Variants in LAMA4 observed in about 807,000 individuals in gnomAD.
The protein encoded by LAMA4 is laminin subunit alpha 4, also known as laminin subunit alpha-4.
LAMA4 carries 127 observed loss-of-function variants against 207.1 expected under a neutral mutation model. The ratio of observed to expected loss-of-function variants is 0.61; its 90% CI spans 0.53 to 0.71. The LOEUF (loss-of-function observed/expected upper bound fraction) is 0.71. Among genes scored for constraint, LAMA4 ranks in the 30% least tolerant of loss-of-function variants. The pLI, the probability that LAMA4 is intolerant of heterozygous loss-of-function variation, is 0.00. For synonymous variants in LAMA4, 761 were observed against 816.0 expected (o/e 0.93, Z 1.15); for missense variants, 2,093 against 2,246.5 (o/e 0.93, Z 1.38).
At chr6:112,159,030 A>G in intron 13 of LAMA4, 150 bp from the exon 14 acceptor site, 1 of 633,996 alleles carries the variant, frequency 1.6e-6, no homozygotes, top group African/African-American at 1.8e-5. Context: ...CTGTAAGTAT[A>G]TGTCTATTTA....
chr6:112,223,687 G>T (rs1224804413), intron 2 of LAMA4, among the ~76,000 whole-genome samples: 1 of 152,136 alleles, frequency 6.6e-6, no homozygotes, highest in Admixed American at 6.5e-5. Context: ...GAGGTCCTGT[G>T]GGTATTTCAG....
At position 112,221,802 on chromosome 6, in the gene LAMA4, G is replaced by A. The variant is rs75630665; in HGVS notation, c.196-5333C>T. Among the ~76,000 whole-genome samples the A allele has an allele frequency of 3.5e-3, 536 of 152,276 alleles. 3 individuals are homozygous for A. The highest frequency in any genetic ancestry group is 0.012 in the African/African-American group (515 of 41,558). On this transcript the variant is annotated intron_variant, in intron 2 of 38. Coordinates refer to ENST00000230538, the MANE Select transcript of LAMA4 (RefSeq NM_001105206.3). ...CTTGGGCAGACTTAAGAATCAGATA[G>A]TATTCAAGGATTTTCTAGTGGAGAA... is the stretch of plus-strand genomic sequence containing the variant.
chr6:112,189,282 G>T, intron 6 of LAMA4, 77 bp from the exon 7 acceptor site: 1 of 944,792 alleles, frequency 1.1e-6, no homozygotes, highest in Non-Finnish European at 1.7e-6. Context: ...CTGGTTTCTA[G>T]AAACACTAGC....
intron 31 of LAMA4, among the ~76,000 whole-genome samples, chr6:112,127,595 G>A (rs1476054610): frequency 1.3e-5 from 2 of 152,112 alleles, no homozygotes; most frequent in Non-Finnish European, 2.9e-5. Flanking sequence ...ACAAATTGTG[G>A]TGCCTTGGGC....
chr6:112,172,828 C>T lies in LAMA4; in HGVS notation c.1358-24G>A, dbSNP rs375357211. The stretch of plus-strand genomic sequence containing the variant: ...TACTGGGAAGAAATGGAGATAAAGG[C>T]TCAGTGTGGCTTTCTCCTGTTCGCT... On this transcript the variant is annotated intron_variant, in intron 11 of 38. Coordinates refer to ENST00000230538, the MANE Select transcript of LAMA4 (RefSeq NM_001105206.3). The T allele has an allele frequency of 2.5e-6, 4 of 1,601,940 alleles. No homozygotes were observed. The South Asian group carries it at 3.3e-5, about 13-fold the overall frequency.
chr6:112,191,834 A>G lies in LAMA4; in HGVS notation c.520T>C (p.Tyr174His). ...PNCERCAPGY[Y>H]GNPLLIGSTC... Reference sequence around the variant, plus strand: ...CTTCCAATGAGTAAGGGGTTTCCATAGTAACCGGGAGCACATCTGAAGAGG... The same window carrying G: ...CTTCCAATGAGTAAGGGGTTTCCATGGTAACCGGGAGCACATCTGAAGAGG... The change falls in exon 6 of 39, where the codon TAT becomes CAT. Residue 174 changes from tyrosine to histidine, a missense_variant. Tyr to His is a moderately conservative substitution (Grantham distance 83, BLOSUM62 2). Transcript: ENST00000230538. 1 of 1,613,252 alleles carries G rather than the reference A, an allele frequency of 6.2e-7. No homozygotes were observed. Among genetic ancestry groups the G allele is most frequent in the Non-Finnish European group, 8.5e-7 (1 of 1,179,298 alleles).
In LAMA4 at chr6:112,140,904, C is replaced by A. The variant is rs140978616; in HGVS notation, c.2832G>T (p.Lys944Asn). 7 of 1,613,080 alleles carry A rather than the reference C, an allele frequency of 4.3e-6. No homozygotes were observed. Among genetic ancestry groups the A allele is most frequent in the Admixed American group, 1.7e-5 (1 of 59,994 alleles). Residue 944 changes from lysine (K) to asparagine (N), a missense_variant, in exon 22 of 39, where the codon AAG becomes AAT. By Grantham distance (94) the Lys-to-Asn change is moderately conservative. Transcript: ENST00000230538. ...VKIERVGKHGKVFLTVPSLSS... is the reference protein window; with the variant it reads ...VKIERVGKHGNVFLTVPSLSS... The stretch of plus-strand genomic sequence containing the variant: ...TTAGACTCGGGACTGTTAAAAACAC[C>A]TTTCCATGTTTTCCCACCCTATTGA...
intron 13 of LAMA4, among the ~76,000 whole-genome samples, chr6:112,160,447 C>T (rs201770412): frequency 6.2e-5 from 5 of 80,150 alleles, no homozygotes; most frequent in African/African-American, 2.6e-4. Flanking sequence ...AAAAACAAAA[C>T]AAACAAACAA....
intron 6 of LAMA4, among the ~76,000 whole-genome samples, chr6:112,190,944 T>TTTCCTTCCTTCC (rs1387146757): frequency 4.8e-5 from 2 of 41,624 alleles, no homozygotes; most frequent in African/African-American, 1.9e-4. Context: ...TCTTTCTTTC[T>TTTCCTTCCTTCC]TTCCTTTCTT....
rs1554330332 is a variant in LAMA4, at chr6:112,132,867, A to G, written c.3720T>C (p.Asn1240=). The change falls in exon 28 of 39, where the codon AAT becomes AAC. Residue 1240 remains asparagine (N), a synonymous_variant. Transcript: ENST00000230538. The part of the protein sequence containing the change: ...DSLISRRAYF[N]GQSFIASIQK... ...GAATTGAAGCAATGAAGCTCTGTCC[A>G]TTGAAATATGCTCTGCGAGATATCT... 4 of 1,613,274 alleles carry G rather than the reference A, an allele frequency of 2.5e-6. No individual in the cohort carries two copies. Among genetic ancestry groups the G allele is most frequent in the South Asian group, 2.2e-5 (2 of 91,074 alleles).
At chr6:112,145,516 T>C (rs1160725405) in intron 18 of LAMA4, among the ~76,000 whole-genome samples, 1 of 152,198 alleles carries the variant, frequency 6.6e-6, no homozygotes, top group Admixed American at 6.5e-5. Flanking sequence ...ACTGCTCAGC[T>C]GTGTGTGGGA....
chr6:112,216,714 A>G, intron 2 of LAMA4: 1 of 498,832 alleles, frequency 2.0e-6, no homozygotes. Flanking sequence ...AGGAGAACAG[A>G]AATGCCTTTA....
chr6:112,254,453 G>A lies in LAMA4; in HGVS notation c.-142+6C>T. The A allele has an allele frequency of 2.2e-6, 1 of 463,362 alleles. No homozygotes were observed. Among genetic ancestry groups the A allele is most frequent in the Non-Finnish European group, 4.0e-6 (1 of 250,716 alleles). 28.7% of individuals were successfully genotyped at this position (463,362 alleles called of 1,614,324 possible). A position where few individuals can be genotyped will look rare whatever the true frequency, so the allele number is the denominator to read the frequency against. On this transcript the variant is annotated splice_donor_region_variant and intron_variant, in intron 1 of 38. Coordinates refer to ENST00000230538, the MANE Select transcript of LAMA4 (RefSeq NM_001105206.3). The stretch of plus-strand genomic sequence containing the variant: ...GCTCAAGAACCTACAGATGGACGGA[G>A]CTTACAGTACGGCATCAAAAGGCAG...
At position 112,128,928 on chromosome 6, in the gene LAMA4, AT is replaced by A. The variant is rs782604289; in HGVS notation, c.4280del (p.Asn1427IlefsTer18). Reference sequence around the variant, plus strand: ...GAACGGCATTATCTTTTACCTTTTTATTCTGACTTGCTTTAGGCTTGGATAA... The same window carrying A: ...GAACGGCATTATCTTTTACCTTTTTATCTGACTTGCTTTAGGCTTGGATAA... ...KNLSKPKASQ[N>X]KKGGKSKDAP... On this transcript the variant is annotated frameshift_variant, in exon 31 of 39. Transcript: ENST00000230538. LOFTEE classifies it high-confidence loss of function. 8.7e-6 allele frequency: 14 copies of A among 1,612,818 alleles called. No homozygotes were observed. Among genetic ancestry groups the A allele is most frequent in the Non-Finnish European group, 1.2e-5 (14 of 1,179,044 alleles).
At chr6:112,204,384 G>T (rs1783931221) in intron 4 of LAMA4, among the ~76,000 whole-genome samples, 1 of 151,938 alleles carries the variant, frequency 6.6e-6, no homozygotes, top group African/African-American at 2.4e-5. Flanking sequence ...AGAAAGTCTT[G>T]TCATGCAAAT....
intron 14 of LAMA4, 90 bp from the exon 15 acceptor site, chr6:112,155,796 A>T: frequency 1.4e-6 from 2 of 1,414,598 alleles, no homozygotes; most frequent in South Asian, 2.3e-5. Flanking sequence ...TACTTCTAGG[A>T]TCACAGATGC....
intron 2 of LAMA4, among the ~76,000 whole-genome samples, chr6:112,228,288 ATAGTT>A (rs1785340604): frequency 6.6e-6 from 1 of 152,212 alleles, no homozygotes; most frequent in African/African-American, 2.4e-5. Context: ...TTATGTTCTT[ATAGTT>A]TGCTAAAAAT....
At chr6:112,216,777 G>T in intron 2 of LAMA4, 1 of 366,072 alleles carries the variant, frequency 2.7e-6, no homozygotes, top group South Asian at 2.4e-5. Context: ...TAACAGTAAG[G>T]GAGAAAAAAA....
chr6:112,173,949 G>A (rs1227784410), intron 11 of LAMA4, among the ~76,000 whole-genome samples: 2 of 152,134 alleles, frequency 1.3e-5, no homozygotes, highest in African/African-American at 4.8e-5. Context: ...ATATAATAAT[G>A]TATATGCTTC....
Sources: gnomAD v4.1 joint callset for allele counts (sites outside exome capture counted in the v4.1 genomes callset) on GRCh38, gnomAD v4.1.1 for gene constraint, MANE v1.5 for transcripts, NCBI Gene and HGNC (gene_info 2026-07-23, HGNC 2026-07-21) for gene names.